The following SHISA6 variants were observed in gnomAD, a reference collection of about 807,000 sequenced individuals.
SHISA6 encodes shisa family member 6.
In SHISA6, 22 loss-of-function variants were observed where a neutral mutation model predicts 47.9. The observed-to-expected ratio is 0.46, with a 90% CI of 0.33 to 0.66. SHISA6 has a LOEUF of 0.66. Among genes scored for constraint, SHISA6 ranks in the 30% least tolerant of loss-of-function variants. The probability of loss-of-function intolerance (pLI) is 0.02; values close to 1 mark genes in which losing one functional copy is unlikely to be tolerated. For synonymous variants in SHISA6, 388 were observed against 337.8 expected (o/e 1.15, Z -1.63); for missense variants, 680 against 764.6 (o/e 0.89, Z 1.30).
intron 3 of SHISA6, among the ~76,000 whole-genome samples, chr17:11,431,128 G>A (rs577388518): frequency 5.9e-5 from 9 of 152,172 alleles, no homozygotes; most frequent in African/African-American, 1.2e-4. Flanking sequence ...TCGGAAAGAC[G>A]GGATTCTCTT....
chr17:11,563,497 ATGT>A lies in SHISA6; in HGVS notation c.*5197_*5199del, dbSNP rs1480483721. 6.6e-6 allele frequency: 1 copy of A among 152,196 alleles called. No individual in the cohort carries two copies. Among genetic ancestry groups the A allele is most frequent in the Non-Finnish European group, 1.5e-5 (1 of 68,034 alleles). 9.4% of individuals were successfully genotyped at this position (152,196 alleles called of 1,614,324 possible). ...TAACCTTCCATCAGTCAGAGAAATA[ATGT>A]TGTGGCTGTGTGTTTCCTTAATGCT... On this transcript the variant is annotated 3_prime_UTR_variant, in exon 6 of 6. Coordinates refer to ENST00000441885, the MANE Select transcript of SHISA6 (RefSeq NM_207386.4).
chr17:11,350,318 T>C (rs205049), intron 2 of SHISA6, among the ~76,000 whole-genome samples: 56,254 of 57,416 alleles, frequency 0.98, 27,623 homozygotes, highest in Middle Eastern at 1. Context: ...TAGCTGGGAC[T>C]ACAGGCGCCT....
At chr17:11,538,422 T>C (rs1156361293) in intron 3 of SHISA6, among the ~76,000 whole-genome samples, 2 of 152,062 alleles carry the variant, frequency 1.3e-5, no homozygotes, top group East Asian at 3.9e-4. Context: ...AGAAGAACAA[T>C]CAAAGTGGAA....
intron 3 of SHISA6, among the ~76,000 whole-genome samples, chr17:11,491,778 T>G (rs1046280007): frequency 4.7e-5 from 7 of 149,874 alleles, no homozygotes; most frequent in Non-Finnish European, 8.9e-5. Flanking sequence ...GTGTTTTTTT[T>G]TTTTTTTTTT....
intron 3 of SHISA6, among the ~76,000 whole-genome samples, chr17:11,402,178 T>G (rs1913797241): frequency 6.6e-6 from 1 of 152,158 alleles, no homozygotes; most frequent in African/African-American, 2.4e-5. Flanking sequence ...ATTTAGGAGG[T>G]TCCTTATTTT....
At position 11,558,508 on chromosome 17, in the gene SHISA6, A is replaced by G; in HGVS notation, c.*204A>G. ...GTCCAATACACTTAGACCCAGGACCAAGAGCAATCGCTCTTGCTCCTCCAG... is the reference window on the plus strand; with the variant it reads ...GTCCAATACACTTAGACCCAGGACCGAGAGCAATCGCTCTTGCTCCTCCAG... On this transcript the variant is annotated 3_prime_UTR_variant, in exon 6 of 6. Transcript: ENST00000441885. The G allele has an allele frequency of 1.6e-6, 1 of 609,822 alleles. No individual in the cohort carries two copies. 37.8% of individuals were successfully genotyped at this position (609,822 alleles called of 1,614,324 possible). A position where few individuals can be genotyped will look rare whatever the true frequency, so the allele number is the denominator to read the frequency against.
chr17:11,304,048 G>T (rs1453728866), intron 2 of SHISA6, among the ~76,000 whole-genome samples: 1 of 152,208 alleles, frequency 6.6e-6, no homozygotes, highest in Non-Finnish European at 1.5e-5. Flanking sequence ...TGGAGCAGAA[G>T]GCCATATCAG....
intron 2 of SHISA6, among the ~76,000 whole-genome samples, chr17:11,353,907 A>G (rs999052451): frequency 6.6e-6 from 1 of 152,170 alleles, no homozygotes; most frequent in Non-Finnish European, 1.5e-5. Flanking sequence ...TGAGGAAGAC[A>G]GGGAAAAGGA....
At chr17:11,454,801 C>CATAGATGAG (rs1915492813) in intron 3 of SHISA6, among the ~76,000 whole-genome samples, 2 of 152,166 alleles carry the variant, frequency 1.3e-5, no homozygotes, top group Admixed American at 1.3e-4. Context: ...ATGGGAGAAC[C>CATAGATGAG]TTCAGAGCAG....
intron 3 of SHISA6, among the ~76,000 whole-genome samples, chr17:11,436,961 A>G (rs1240319556): frequency 6.6e-6 from 1 of 152,210 alleles, no homozygotes; most frequent in African/African-American, 2.4e-5. Context: ...AAAAATCATT[A>G]GGCTCCTGTG....
At chr17:11,372,621 G>A (rs183550535) in intron 2 of SHISA6, among the ~76,000 whole-genome samples, 33 of 150,820 alleles carry the variant, frequency 2.2e-4, no homozygotes, top group Admixed American at 2.6e-4. Context: ...TTATTTGTTC[G>A]TTTGTTTGTA....
Position 11,563,415 on chromosome 17 carries a change from G to A in SHISA6, c.*5111G>A, listed in dbSNP as rs764084711. 3 of 152,234 alleles carry A rather than the reference G, an allele frequency of 2.0e-5. No homozygotes were observed. Among genetic ancestry groups the A allele is most frequent in the Non-Finnish European group, 4.4e-5 (3 of 68,054 alleles). 9.4% of individuals were successfully genotyped at this position (152,234 alleles called of 1,614,324 possible). The stretch of plus-strand genomic sequence containing the variant: ...CTCCCGGTGAAGGCTTGTGAAGCAA[G>A]AATGGAGAGTCCAAGTTTGTGATAT... On this transcript the variant is annotated 3_prime_UTR_variant, in exon 6 of 6. Coordinates refer to ENST00000441885, the MANE Select transcript of SHISA6 (RefSeq NM_207386.4).
At chr17:11,344,882 T>C (rs1409022800) in intron 2 of SHISA6, among the ~76,000 whole-genome samples, 2 of 152,106 alleles carry the variant, frequency 1.3e-5, no homozygotes, top group Non-Finnish European at 2.9e-5. Context: ...AAATTATTCC[T>C]CCTATCTAGC....
At chr17:11,294,238 A>T (rs1909659854) in intron 2 of SHISA6, among the ~76,000 whole-genome samples, 1 of 152,182 alleles carries the variant, frequency 6.6e-6, no homozygotes, top group Non-Finnish European at 1.5e-5. Context: ...AATGACTCCA[A>T]CAAAACCTTC....
At chr17:11,312,506 C>G (rs920138528) in intron 2 of SHISA6, among the ~76,000 whole-genome samples, 1 of 152,106 alleles carries the variant, frequency 6.6e-6, no homozygotes, top group Non-Finnish European at 1.5e-5. Flanking sequence ...AATGAATAGG[C>G]TAAAAAGCAA....
At position 11,428,915 on chromosome 17, in the gene SHISA6, G is replaced by T. The variant is rs1444283433; in HGVS notation, c.895+49406G>T. ...TTCTCCTGCCTCAGCCTCCCAAGTA[G>T]CTGGGACTACAGGCACCCACTACCA... On this transcript the variant is annotated intron_variant, in intron 3 of 5. Coordinates refer to ENST00000441885, the MANE Select transcript of SHISA6 (RefSeq NM_207386.4). Among the ~76,000 whole-genome samples the T allele has an allele frequency of 2.0e-5, 3 of 151,396 alleles. No individual in the cohort carries two copies. In the East Asian group the frequency reaches 5.8e-4, roughly 29 times the overall value.
chr17:11,242,197 A>T lies in SHISA6; in HGVS notation c.638+137A>T, dbSNP rs570664737. 5.7e-6 allele frequency: 7 copies of T among 1,218,550 alleles called. No homozygotes were observed. In the Admixed American group the frequency reaches 1.7e-4, roughly 30 times the overall value. 75.5% of individuals were successfully genotyped at this position (1,218,550 alleles called of 1,614,324 possible). ...TCATTTCCACCATCGCTCCTTTTGC[A>T]TGCAATAAATCAGGGTCTTCTTGTG... On this transcript the variant is annotated intron_variant, in intron 1 of 5. Transcript: ENST00000441885.
chr17:11,410,766 C>G (rs2142272142), intron 3 of SHISA6, among the ~76,000 whole-genome samples: 1 of 152,174 alleles, frequency 6.6e-6, no homozygotes, highest in Admixed American at 6.5e-5. Context: ...CACCTATGAA[C>G]AAATTAGAAA....
At chr17:11,279,723 G>C (rs1909054724) in intron 2 of SHISA6, among the ~76,000 whole-genome samples, 1 of 152,100 alleles carries the variant, frequency 6.6e-6, no homozygotes, top group African/African-American at 2.4e-5. Context: ...TCCCGTGGTT[G>C]GGTATTGCCT....
Sources: allele counts gnomAD v4.1 joint callset (sites outside exome capture counted in the v4.1 genomes callset), GRCh38; gene constraint gnomAD v4.1.1; transcripts MANE v1.5; gene names NCBI Gene and HGNC (gene_info 2026-07-23, HGNC 2026-07-21).